Variants in NHSL2 observed in about 807,000 individuals in gnomAD.
NHSL2 encodes NHS-like protein 2.
A neutral mutation model predicts 53.4 loss-of-function variants in NHSL2; 27 were observed. The observed-to-expected ratio is 0.51, with a 90% CI of 0.37 to 0.70. The LOEUF is 0.70. Among genes scored for constraint, NHSL2 ranks in the 30% least tolerant of loss-of-function variants. The pLI, the probability that NHSL2 is intolerant of heterozygous loss-of-function variation, is 0.00. For synonymous variants in NHSL2, 408 were observed against 404.1 expected (o/e 1.01, Z -0.12); for missense variants, 892 against 980.1 (o/e 0.91, Z 1.20).
At chrX:72,135,902 G>A (rs1038327806) in intron 4 of NHSL2, among the ~76,000 whole-genome samples, 3 of 111,325 alleles carry the variant, frequency 2.7e-5, no homozygotes, top group African/African-American at 9.8e-5. Context: ...CAGGCGTGGT[G>A]GCGCACACCT....
intron 1 of NHSL2, among the ~76,000 whole-genome samples, chrX:72,065,570 A>T (rs1316771806): frequency 9.0e-6 from 1 of 111,465 alleles, no homozygotes; most frequent in African/African-American, 3.3e-5. Context: ...AACAGCAGGT[A>T]GAGGCGGTGA....
chrX:71,944,221 G>A (rs1323477242), intron 1 of NHSL2, among the ~76,000 whole-genome samples: 2 of 112,330 alleles, frequency 1.8e-5, no homozygotes, highest in African/African-American at 6.5e-5. Flanking sequence ...CATAATTCAA[G>A]CCTGGGACTG....
rs765594076 is a variant in NHSL2, at chrX:72,086,579, G to C, written c.281-45500G>C. 2.8e-5 allele frequency among the ~76,000 whole-genome samples: 3 copies of C among 108,295 alleles called. No individual in the cohort carries two copies. In the South Asian group the frequency reaches 1.2e-3, roughly 44 times the overall value. 94.0% of individuals were successfully genotyped at this position (108,295 alleles called of 115,157 possible). A position where few individuals can be genotyped will look rare whatever the true frequency, so the allele number is the denominator to read the frequency against. ...GGTGCCTGTAATCCCAGCTACTCGG[G>C]AGGCTGAGGCAGGAGAATCACTTGA... On this transcript the variant is annotated intron_variant, in intron 1 of 7. Coordinates refer to ENST00000633930, the MANE Select transcript of NHSL2 (RefSeq NM_001013627.3).
chrX:72,096,262 G>T (rs1199341553), intron 1 of NHSL2, among the ~76,000 whole-genome samples: 1 of 111,730 alleles, frequency 9.0e-6, no homozygotes, highest in Non-Finnish European at 1.9e-5. Context: ...GACAGATTTG[G>T]TAAGTAGAAT....
In NHSL2 at chrX:72,140,732, A is replaced by G. The variant is rs1239091999; in HGVS notation, c.3184A>G (p.Thr1062Ala). 8.4e-7 allele frequency: 1 copy of G among 1,195,143 alleles called. No homozygotes were observed. The change falls in exon 6 of 8, where the codon ACT (threonine) becomes GCT (alanine). Residue 1062 changes from threonine to alanine, a missense_variant. Physicochemically the swap from Thr to Ala is moderately conservative, Grantham distance 58. Transcript: ENST00000633930. ...LQSLGQRVTSTPQADSEREAS... is the reference protein window; with the variant it reads ...LQSLGQRVTSAPQADSEREAS... ...ATCACTTGGTCAAAGGGTGACTTCAACTCCTCAGGCTGACAGTGAAAGGGA... is the reference window on the plus strand; with the variant it reads ...ATCACTTGGTCAAAGGGTGACTTCAGCTCCTCAGGCTGACAGTGAAAGGGA...
rs138281884 is a variant in NHSL2 at position 71,934,442 on chromosome X, A to G, written c.280+23075A>G. ...TATGCTCCAGTGGCCACCACTATCAAATTCTCACTCGCTGGAACTGTCCGA... is the reference window on the plus strand; with the variant it reads ...TATGCTCCAGTGGCCACCACTATCAGATTCTCACTCGCTGGAACTGTCCGA... On this transcript the variant is annotated intron_variant, in intron 1 of 7. Coordinates refer to ENST00000633930, the MANE Select transcript of NHSL2 (RefSeq NM_001013627.3). 1.7e-3 allele frequency among the ~76,000 whole-genome samples: 186 copies of G among 112,229 alleles called. 1 individual carries two copies. The highest frequency in any genetic ancestry group is 9.2e-3 in the Middle Eastern group (2 of 218).
At chrX:71,979,060 C>T (rs1469824510) in intron 1 of NHSL2, among the ~76,000 whole-genome samples, 1 of 109,878 alleles carries the variant, frequency 9.1e-6, no homozygotes, top group African/African-American at 3.3e-5. Context: ...TGGTTTCCAG[C>T]TTCATCCATG....
At chrX:72,044,856 G>A (rs1404775823) in intron 1 of NHSL2, 11 of 1,044,225 alleles carry the variant, frequency 1.1e-5, no homozygotes, top group Admixed American at 2.2e-5. Flanking sequence ...TTAGACCTGC[G>A]GGTGCTGCCC....
At chrX:72,013,704 A>G (rs5991864) in intron 1 of NHSL2, among the ~76,000 whole-genome samples, 3,756 of 110,398 alleles carry the variant, frequency 0.034, 163 homozygotes, top group African/African-American at 0.12. Flanking sequence ...CTTGATCCAG[A>G]AAAAAATATA....
chrX:72,004,728 G>A (rs891063439), intron 1 of NHSL2, among the ~76,000 whole-genome samples: 5 of 98,457 alleles, frequency 5.1e-5, no homozygotes, highest in East Asian at 6.3e-4. Context: ...TGTCCGCTCC[G>A]GCCCAGGAGA....
chrX:71,942,270 C>T (rs1188205357), intron 1 of NHSL2, among the ~76,000 whole-genome samples: 2 of 112,221 alleles, frequency 1.8e-5, no homozygotes, highest in Non-Finnish European at 3.8e-5. Flanking sequence ...TCCCCAGGCA[C>T]CCTGATAGTC....
intron 1 of NHSL2, among the ~76,000 whole-genome samples, chrX:72,108,545 C>G (rs1039179661): frequency 8.8e-6 from 1 of 113,160 alleles, no homozygotes; most frequent in East Asian, 2.8e-4. Flanking sequence ...CCAGAGCCTT[C>G]GCTCTGCTGC....
intron 6 of NHSL2, 147 bp downstream of exon 6, chrX:72,140,918 T>TA: frequency 2.1e-6 from 1 of 485,892 alleles, no homozygotes; most frequent in Non-Finnish European, 3.4e-6. Flanking sequence ...TGAGTTACTC[T>TA]AAATAGGAAC....
At chrX:72,118,436 C>T (rs982255703) in intron 1 of NHSL2, among the ~76,000 whole-genome samples, 2 of 111,822 alleles carry the variant, frequency 1.8e-5, no homozygotes, top group Non-Finnish European at 3.8e-5. Context: ...GCTGCCTTTT[C>T]GCTTTTTTCT....
chrX:71,970,706 C>G (rs2041921659), intron 1 of NHSL2, among the ~76,000 whole-genome samples: 1 of 104,754 alleles, frequency 9.5e-6, no homozygotes, highest in Admixed American at 1.0e-4. Flanking sequence ...CATTTATTTC[C>G]TCTTTTATTA....
At chrX:71,975,336 C>G (rs1300687071) in intron 1 of NHSL2, among the ~76,000 whole-genome samples, 1 of 111,632 alleles carries the variant, frequency 9.0e-6, no homozygotes, top group Non-Finnish European at 1.9e-5. Flanking sequence ...AGCACAACCT[C>G]TCTCCTCCCA....
rs765606071 is a variant in NHSL2 at position 72,139,404 on chromosome X, G to T, written c.1856G>T (p.Gly619Val). 2 of 1,210,779 alleles carry T rather than the reference G, an allele frequency of 1.7e-6. No individual in the cohort carries two copies. The highest frequency in any genetic ancestry group is 1.8e-5 in the South Asian group (1 of 56,885). The change falls in exon 6 of 8, where the codon GGT (glycine) becomes GTT (valine). Residue 619 changes from glycine (G) to valine (V), a missense_variant. Coordinates refer to ENST00000633930, the MANE Select transcript of NHSL2 (RefSeq NM_001013627.3). ...CACTCGTCCCACCCAGATGCTCAGG[G>T]TCACCCAGCTATTCCAAACCACAAA... ...GHHSSHPDAQGHPAIPNHKDP... is the reference protein window; with the variant it reads ...GHHSSHPDAQVHPAIPNHKDP...
At chrX:72,132,004 C>T (rs760134988) in intron 1 of NHSL2, 75 bp from the exon 2 acceptor site, 2 of 1,064,337 alleles carry the variant, frequency 1.9e-6, no homozygotes, top group East Asian at 6.7e-5. Flanking sequence ...TGGGGAACCG[C>T]GGGCGCCCAC....
chrX:71,916,465 C>T (rs758064573), intron 1 of NHSL2, among the ~76,000 whole-genome samples: 2 of 111,799 alleles, frequency 1.8e-5, no homozygotes, highest in Non-Finnish European at 3.8e-5. Context: ...GTGGGCACAA[C>T]TGCGTCTGGA....
Sources: gnomAD v4.1 joint callset for allele counts (sites outside exome capture counted in the v4.1 genomes callset) on GRCh38, gnomAD v4.1.1 for gene constraint, MANE v1.5 for transcripts, NCBI Gene and HGNC (gene_info 2026-07-23, HGNC 2026-07-21) for gene names.